Variants in SMOX observed in about 807,000 individuals in gnomAD.
SMOX encodes the protein spermine oxidase, also known as flavin containing amine oxidase.
A neutral mutation model predicts 51.0 loss-of-function variants in SMOX; 22 were observed. The observed-to-expected ratio is 0.43, with a 90% CI of 0.31 to 0.62. The LOEUF is 0.62. Ranked by LOEUF, SMOX falls within the 20% of genes least tolerant of loss-of-function variation. SMOX has a pLI of 0.10. For synonymous variants in SMOX, 282 were observed against 307.8 expected, an observed-to-expected ratio of 0.92 and a Z score of 0.88; for missense variants, 566 against 777.7, an observed-to-expected ratio of 0.73 and a Z score of 3.24.
rs948795179 is a variant in SMOX, at chr20:4,183,283, C to T, written c.1370-211C>T. On this transcript the variant is annotated intron_variant, in intron 5 of 6. Transcript: ENST00000305958. This position sits in a 1 kb window ranked among gnomAD's most constrained non-coding sequence, Gnocchi z 4.3. ...GATAGATAGGAAAAGTAAGGTGGAG[C>T]GTTTTGCCGGGGGTCACAGGAGGCG... The T allele has an allele frequency of 5.1e-5, 32 of 631,114 alleles. No homozygotes were observed. In the Admixed American group the frequency reaches 7.9e-4, roughly 16 times the overall value. The allele number at this position is 631,114 out of a possible 1,614,324, so 39.1% of individuals were successfully genotyped here. A position where few individuals can be genotyped will look rare whatever the true frequency, so the allele number is the denominator to read the frequency against.
intron 1 of SMOX, 57 bp from the exon 2 acceptor site, chr20:4,174,971 TGG>T (rs1978714781): frequency 7.2e-6 from 11 of 1,530,386 alleles, no homozygotes; most frequent in Non-Finnish European, 9.9e-6. Flanking sequence ...GAGTGTCCCT[TGG>T]GGCAGGTGGG....
chr20:4,181,075 C>G lies in SMOX; in HGVS notation c.436-728C>G. 6.6e-6 allele frequency among the ~76,000 whole-genome samples: 1 copy of G among 152,130 alleles called. No homozygotes were observed. Among genetic ancestry groups the G allele is most frequent in the Non-Finnish European group, 1.5e-5 (1 of 68,016 alleles). On this transcript the variant is annotated intron_variant, in intron 3 of 6. Coordinates refer to ENST00000305958, the MANE Select transcript of SMOX (RefSeq NM_175839.3). The surrounding 1 kb of genome is among the most constrained non-coding windows in gnomAD (Gnocchi z 5.6). ...ACGAGGGTCGGGCGGGCAGTCAGAC[C>G]CCTTTTCAAGTGACTGATCGTCGTT...
intron 3 of SMOX, among the ~76,000 whole-genome samples, chr20:4,178,384 T>TG (rs1165088256): frequency 6.6e-6 from 1 of 152,220 alleles, no homozygotes; most frequent in African/African-American, 2.4e-5. Flanking sequence ...GCTACTGTGT[T>TG]GGATAGCACA....
chr20:4,157,080 C>G (rs1216361033), intron 1 of SMOX, among the ~76,000 whole-genome samples: 1 of 152,178 alleles, frequency 6.6e-6, no homozygotes, highest in Non-Finnish European at 1.5e-5. Context: ...CCTTATACCT[C>G]CCGGGCATTT....
chr20:4,183,336 G>A lies in SMOX; in HGVS notation c.1370-158G>A. 1 of 1,078,878 alleles carries A rather than the reference G, an allele frequency of 9.3e-7. No homozygotes were observed. The highest frequency in any genetic ancestry group is 1.4e-6 in the Non-Finnish European group (1 of 724,182). The allele number at this position is 1,078,878 out of a possible 1,614,324, so 66.8% of individuals were successfully genotyped here. ...GAGTGGGTACACAGCTCGAGCCCCA[G>A]CCTCCCTCCTTCCTCTTCTATCCTC... On this transcript the variant is annotated intron_variant, in intron 5 of 6. Coordinates refer to ENST00000305958, the MANE Select transcript of SMOX (RefSeq NM_175839.3). This position sits in a 1 kb window ranked among gnomAD's most constrained non-coding sequence, Gnocchi z 4.3.
intron 1 of SMOX, 118 bp from the exon 2 acceptor site, chr20:4,174,912 C>A: frequency 9.9e-7 from 1 of 1,015,026 alleles, no homozygotes; most frequent in Non-Finnish European, 1.5e-6. Context: ...AGGGAGAGGA[C>A]TCCAGGTCCC....
rs149839622 is a variant in SMOX, at chr20:4,178,652, C to T, written c.435+1075C>T. Among the ~76,000 whole-genome samples, 15 of 151,664 alleles carry T rather than the reference C, an allele frequency of 9.9e-5. No homozygotes were observed. The East Asian group carries it at 2.5e-3, about 25-fold the overall frequency. ...AGGTCAGTAATTTGGCCAGCAAACA[C>T]CTATTGTGCATTTTCTTTTCTTTCT... On this transcript the variant is annotated intron_variant, in intron 3 of 6. Coordinates refer to ENST00000305958, the MANE Select transcript of SMOX (RefSeq NM_175839.3).
At chr20:4,185,008 G>C (rs763721195) in intron 6 of SMOX, among the ~76,000 whole-genome samples, 3 of 152,224 alleles carry the variant, frequency 2.0e-5, no homozygotes, top group Non-Finnish European at 4.4e-5. Flanking sequence ...AGGAAAGGCA[G>C]ATGGCAAGAA....
At chr20:4,175,714 G>A (rs1223459689) in intron 2 of SMOX, among the ~76,000 whole-genome samples, 2 of 152,184 alleles carry the variant, frequency 1.3e-5, no homozygotes, top group Non-Finnish European at 2.9e-5. Flanking sequence ...GCCTCCATGT[G>A]TGTGATGGGC....
chr20:4,186,655 C>G (rs1479987586), intron 6 of SMOX: 3 of 738,032 alleles, frequency 4.1e-6, no homozygotes, highest in Admixed American at 3.6e-5. Context: ...GGCCTCTTTT[C>G]TGGGCTTTCG....
In SMOX at chr20:4,181,763, G is replaced by A. The variant is rs764823414; in HGVS notation, c.436-40G>A. 1.9e-6 allele frequency: 3 copies of A among 1,597,608 alleles called. No individual in the cohort carries two copies. Among genetic ancestry groups the A allele is most frequent in the African/African-American group, 2.7e-5 (2 of 74,652 alleles). On this transcript the variant is annotated intron_variant, in intron 3 of 6. Transcript: ENST00000305958. The surrounding 1 kb of genome is among the most constrained non-coding windows in gnomAD (Gnocchi z 5.6). ...GGGGCCTTCTGTTTGAGATGGAGGTGTGATGAGGTGTTTTCAGTCTCATGG... is the reference window on the plus strand; with the variant it reads ...GGGGCCTTCTGTTTGAGATGGAGGTATGATGAGGTGTTTTCAGTCTCATGG...
intron 3 of SMOX, among the ~76,000 whole-genome samples, chr20:4,180,935 C>G (rs144288142): frequency 6.6e-6 from 1 of 152,238 alleles, no homozygotes; most frequent in Non-Finnish European, 1.5e-5. Flanking sequence ...AAGCTGTGTC[C>G]TGCACAGAGC....
chr20:4,186,762 A>T, intron 6 of SMOX: 1 of 781,086 alleles, frequency 1.3e-6, no homozygotes, highest in South Asian at 1.3e-5. Flanking sequence ...TCCACAAAGC[A>T]GCAGCCTGGT....
chr20:4,182,981 T>C lies in SMOX; in HGVS notation c.1369+133T>C. 7.7e-7 allele frequency: 1 copy of C among 1,296,228 alleles called. No individual in the cohort carries two copies. Among genetic ancestry groups the C allele is most frequent in the South Asian group, 1.5e-5 (1 of 65,482 alleles). 80.3% of individuals were successfully genotyped at this position (1,296,228 alleles called of 1,614,324 possible). A position where few individuals can be genotyped will look rare whatever the true frequency, so the allele number is the denominator to read the frequency against. On this transcript the variant is annotated intron_variant, in intron 5 of 6. Transcript: ENST00000305958. The surrounding 1 kb of genome is among the most constrained non-coding windows in gnomAD (Gnocchi z 8.4). ...ATGCTGTGCCCCACGGGAGAGCCAC[T>C]GCAGGGTGCCACATTCAGCCAAAGG...
At chr20:4,158,729 G>T (rs1381092171) in intron 1 of SMOX, among the ~76,000 whole-genome samples, 1 of 151,986 alleles carries the variant, frequency 6.6e-6, no homozygotes, top group South Asian at 2.1e-4. Flanking sequence ...CATCTGTCTC[G>T]ATGCCCTTTC....
At position 4,149,204 on chromosome 20, in the gene SMOX, G is replaced by C. The variant is rs1352067990; in HGVS notation, c.-27+227G>C. On this transcript the variant is annotated intron_variant, in intron 1 of 6. Coordinates refer to ENST00000305958, the MANE Select transcript of SMOX (RefSeq NM_175839.3). This position sits in a 1 kb window ranked among gnomAD's most constrained non-coding sequence, Gnocchi z 6.0. ...GGGGCGCCGCGCCCCCCTGGCTTCCGCCGGGGTAAGCAGTGGTGTGGGCCG... is the reference window on the plus strand; with the variant it reads ...GGGGCGCCGCGCCCCCCTGGCTTCCCCCGGGGTAAGCAGTGGTGTGGGCCG... 6.7e-5 allele frequency among the ~76,000 whole-genome samples: 10 copies of C among 150,132 alleles called. No individual in the cohort carries two copies. In the South Asian group the frequency reaches 1.9e-3, roughly 28 times the overall value.
chr20:4,157,928 T>G (rs1986094893), intron 1 of SMOX, among the ~76,000 whole-genome samples: 1 of 151,638 alleles, frequency 6.6e-6, no homozygotes, highest in Non-Finnish European at 1.5e-5. Context: ...TGAGTTGGAG[T>G]CTCGCTCTGT....
chr20:4,165,512 C>A (rs993060162), intron 1 of SMOX, among the ~76,000 whole-genome samples: 17 of 152,182 alleles, frequency 1.1e-4, no homozygotes, highest in African/African-American at 4.1e-4. Context: ...GTCTTTCTTA[C>A]ACCTTTGTGG....
At chr20:4,154,380 T>C (rs1985903429) in intron 1 of SMOX, among the ~76,000 whole-genome samples, 1 of 136,506 alleles carries the variant, frequency 7.3e-6, no homozygotes, top group African/African-American at 3.2e-5. Flanking sequence ...CTTTCTTTCT[T>C]TCTTTCTTTT....
Sources: allele counts gnomAD v4.1 joint callset (sites outside exome capture counted in the v4.1 genomes callset), GRCh38; gene constraint gnomAD v4.1.1; non-coding constraint Gnocchi (gnomAD v3.1); transcripts MANE v1.5; gene names NCBI Gene and HGNC (gene_info 2026-07-23, HGNC 2026-07-21).